The following KIF26B variants were observed in gnomAD, a reference collection of about 807,000 sequenced individuals.
The protein encoded by KIF26B is kinesin-like protein KIF26B.
In KIF26B, 63 loss-of-function variants were observed where a neutral mutation model predicts 151.2. The ratio of observed to expected loss-of-function variants is 0.42; its 90% CI spans 0.34 to 0.51. The LOEUF (loss-of-function observed/expected upper bound fraction) is 0.51. Ranked by LOEUF, KIF26B falls within the 20% of genes least tolerant of loss-of-function variation. The probability of loss-of-function intolerance (pLI) is 0.07; values close to 1 mark genes in which losing one functional copy is unlikely to be tolerated. For missense variants in KIF26B, 2,813 were observed against 2,913.6 expected, an observed-to-expected ratio of 0.97 and a Z score of 0.79; for synonymous variants, 1,357 against 1,262.1, an observed-to-expected ratio of 1.08 and a Z score of -1.59.
intron 5 of KIF26B, among the ~76,000 whole-genome samples, chr1:245,541,860 G>A (rs561081644): frequency 1.8e-4 from 27 of 152,050 alleles, no homozygotes; most frequent in Middle Eastern, 3.2e-3. Flanking sequence ...ACCCAAACAC[G>A]GTCATGGCTG....
At position 245,605,326 on chromosome 1, in the gene KIF26B, C is replaced by T. The variant is rs543579416; in HGVS notation, c.1558-2325C>T. Among the ~76,000 whole-genome samples, 60 of 152,296 alleles carry T rather than the reference C, an allele frequency of 3.9e-4. No homozygotes were observed. The South Asian group carries it at 0.012, about 32-fold the overall frequency. On this transcript the variant is annotated intron_variant, in intron 6 of 14. Coordinates refer to ENST00000407071, the MANE Select transcript of KIF26B (RefSeq NM_018012.4). ...AAACTCAGCCCCACAGGGTGGGCAC[C>T]CCTGGAGCCCCCAAGCCTGAAAGGA...
intron 2 of KIF26B, among the ~76,000 whole-genome samples, chr1:245,187,726 G>T (rs1669024090): frequency 6.6e-6 from 1 of 152,144 alleles, no homozygotes; most frequent in Non-Finnish European, 1.5e-5. Flanking sequence ...GTTGGAGAGG[G>T]GGAGGTTGAT....
intron 3 of KIF26B, among the ~76,000 whole-genome samples, chr1:245,408,913 C>G (rs1674205417): frequency 6.6e-6 from 1 of 152,118 alleles, no homozygotes; most frequent in South Asian, 2.1e-4. Flanking sequence ...TGTGTCAATA[C>G]AAATAAAGCT....
chr1:245,481,304 G>T (rs7556273), intron 4 of KIF26B, among the ~76,000 whole-genome samples: 1,796 of 151,962 alleles, frequency 0.012, 36 homozygotes, highest in African/African-American at 0.04. Flanking sequence ...CACCAGCCCA[G>T]CTGGCAACAA....
rs1285947626 is a variant in KIF26B, at chr1:245,686,697, C to G, written c.3714C>G (p.Asp1238Glu). 18 of 1,612,968 alleles carry G rather than the reference C, an allele frequency of 1.1e-5. No individual in the cohort carries two copies. The highest frequency in any genetic ancestry group is 4.0e-5 in the African/African-American group (3 of 75,046). The change falls in exon 12 of 15, where the codon GAC becomes GAG. Residue 1238 changes from aspartate (D) to glutamate (E), a missense_variant. Physicochemically the swap from Asp to Glu is conservative, Grantham distance 45. Transcript: ENST00000407071. The surrounding 1 kb of genome is among the most constrained non-coding windows in gnomAD (Gnocchi z 5.6). ...PVSIISSISEDLECYSSTAPV... is the reference protein window; with the variant it reads ...PVSIISSISEELECYSSTAPV... ...GCATCATCAGCAGCATCAGCGAGGACCTGGAGTGCTACTCCAGCACGGCCC... is the reference window on the plus strand; with the variant it reads ...GCATCATCAGCAGCATCAGCGAGGAGCTGGAGTGCTACTCCAGCACGGCCC...
At chr1:245,522,046 T>C (rs1345619249) in intron 4 of KIF26B, among the ~76,000 whole-genome samples, 1 of 152,062 alleles carries the variant, frequency 6.6e-6, no homozygotes, top group African/African-American at 2.4e-5. Context: ...ATTTTTTGTA[T>C]TTTTAGTAGA....
At chr1:245,328,559 C>A (rs771552356) in intron 2 of KIF26B, among the ~76,000 whole-genome samples, 6 of 152,106 alleles carry the variant, frequency 3.9e-5, no homozygotes, top group Non-Finnish European at 7.3e-5. Flanking sequence ...GTGTGGTTTG[C>A]GGAATTCCTA....
At chr1:245,532,032 G>A (rs1221632565) in intron 4 of KIF26B, among the ~76,000 whole-genome samples, 1 of 152,034 alleles carries the variant, frequency 6.6e-6, no homozygotes, top group African/African-American at 2.4e-5. Flanking sequence ...AGGCTGCAGT[G>A]GGCTATGATC....
chr1:245,433,478 AAG>A (rs1491092397), intron 4 of KIF26B, among the ~76,000 whole-genome samples: 8 of 76,454 alleles, frequency 1.0e-4, no homozygotes, highest in African/African-American at 4.8e-4. Context: ...AAAAAAAAAA[AAG>A]AAGAAGAAGA....
intron 10 of KIF26B, among the ~76,000 whole-genome samples, chr1:245,671,703 G>C (rs1210131330): frequency 2.0e-5 from 3 of 152,238 alleles, no homozygotes; most frequent in Non-Finnish European, 2.9e-5. Context: ...GGGGTTGCTA[G>C]TTCTGTCAGA....
intron 2 of KIF26B, among the ~76,000 whole-genome samples, chr1:245,159,673 G>A (rs1668502879): frequency 6.6e-6 from 1 of 152,148 alleles, no homozygotes; most frequent in African/African-American, 2.4e-5. Context: ...TGCCATATGA[G>A]TTCTCACACT....
In KIF26B at chr1:245,606,715, T is replaced by C. The variant is rs1002340268; in HGVS notation, c.1558-936T>C. On this transcript the variant is annotated intron_variant, in intron 6 of 14. Coordinates refer to ENST00000407071, the MANE Select transcript of KIF26B (RefSeq NM_018012.4). The surrounding 1 kb of genome is among the most constrained non-coding windows in gnomAD (Gnocchi z 4.6). Reference sequence around the variant, plus strand: ...TAATAACATACCATGTGGTGACTGATACTCTATATGTTGAATGTATCTGTA... The same window carrying C: ...TAATAACATACCATGTGGTGACTGACACTCTATATGTTGAATGTATCTGTA... Among the ~76,000 whole-genome samples the C allele has an allele frequency of 1.3e-5, 2 of 152,202 alleles. No individual in the cohort carries two copies. Among genetic ancestry groups the C allele is most frequent in the African/African-American group, 4.8e-5 (2 of 41,442 alleles).
intron 5 of KIF26B, among the ~76,000 whole-genome samples, chr1:245,586,892 CAAA>C (rs10715064): frequency 3.6e-5 from 4 of 111,574 alleles, no homozygotes; most frequent in African/African-American, 3.1e-5. Flanking sequence ...GACTCCGTCT[CAAA>C]AAAAAAAAAA....
In KIF26B at chr1:245,156,484, C is replaced by G; in HGVS notation, c.266C>G (p.Ser89Cys). ...SSFTGSPGPA[S>C]PGIGTSSPGS... ...TTCACCGGCTCCCCGGGACCCGCCT[C>G]CCCCGGCATCGGCACTAGTTCGCCG... The change falls in exon 2 of 15, where the codon TCC becomes TGC. Residue 89 changes from serine to cysteine, a missense_variant. This residue lies in a region of KIF26B where 676 missense variants were observed against 688.1 expected (regional missense o/e 0.98). Coordinates refer to ENST00000407071, the MANE Select transcript of KIF26B (RefSeq NM_018012.4). 6.6e-7 allele frequency: 1 copy of G among 1,524,874 alleles called. No individual in the cohort carries two copies. Among genetic ancestry groups the G allele is most frequent in the Non-Finnish European group, 8.8e-7 (1 of 1,139,166 alleles). 94.5% of individuals were successfully genotyped at this position (1,524,874 alleles called of 1,614,324 possible). A position where few individuals can be genotyped will look rare whatever the true frequency, so the allele number is the denominator to read the frequency against.
chr1:245,419,388 G>A (rs920636012), intron 3 of KIF26B, among the ~76,000 whole-genome samples, 191 bp from the exon 4 acceptor site: 10 of 152,128 alleles, frequency 6.6e-5, no homozygotes, highest in African/African-American at 2.2e-4. Flanking sequence ...TAATGAAAAC[G>A]GGGAAGTATC....
chr1:245,301,912 T>C (rs1227094713), intron 2 of KIF26B, among the ~76,000 whole-genome samples: 1 of 152,216 alleles, frequency 6.6e-6, no homozygotes. Context: ...CCCCAGCACC[T>C]TGAAAGGCTA....
chr1:245,621,817 C>A (rs1017687640), intron 9 of KIF26B, among the ~76,000 whole-genome samples: 1 of 152,236 alleles, frequency 6.6e-6, no homozygotes, highest in African/African-American at 2.4e-5. Context: ...TCTGTGCCTA[C>A]GGCAACTCCA....
chr1:245,317,278 CCA>C (rs1309752681), intron 2 of KIF26B, among the ~76,000 whole-genome samples: 4 of 152,322 alleles, frequency 2.6e-5, no homozygotes, highest in Admixed American at 6.5e-5. Context: ...AGCTAACCAA[CCA>C]CAGTGTTCAC....
At chr1:245,303,142 C>T (rs1197411361) in intron 2 of KIF26B, among the ~76,000 whole-genome samples, 1 of 151,462 alleles carries the variant, frequency 6.6e-6, no homozygotes, top group Non-Finnish European at 1.5e-5. Context: ...TACTTTGCTG[C>T]ACCTGAATTC....
Sources: gnomAD v4.1 joint callset for allele counts (sites outside exome capture counted in the v4.1 genomes callset) on GRCh38, gnomAD v4.1.1 for gene constraint, gnomAD v4.1.1 regional missense constraint, Gnocchi (gnomAD v3.1) non-coding constraint, MANE v1.5 for transcripts, NCBI Gene and HGNC (gene_info 2026-07-23, HGNC 2026-07-21) for gene names.